CFAP46: variants seen among roughly 807,000 people sequenced by gnomAD.
The protein encoded by CFAP46 is cilia- and flagella-associated protein 46.
In CFAP46, 245 loss-of-function variants were observed where a neutral mutation model predicts 325.7. The observed-to-expected ratio is 0.75, with a 90% CI of 0.68 to 0.84. The LOEUF (loss-of-function observed/expected upper bound fraction) is 0.84. Ranked by LOEUF, CFAP46 falls within the 40% of genes least tolerant of loss-of-function variation. The pLI is 0.00. For synonymous variants in CFAP46, 1,523 were observed against 1,495.9 expected, an observed-to-expected ratio of 1.02 and a Z score of -0.42; for missense variants, 3,346 against 3,543.0, an observed-to-expected ratio of 0.94 and a Z score of 1.41.
chr10:132,835,210 C>T (rs965013648), intron 47 of CFAP46, 94 bp downstream of exon 47: 1 of 1,524,552 alleles, frequency 6.6e-7, no homozygotes, highest in Non-Finnish European at 8.8e-7. Flanking sequence ...TGGCCTAGCG[C>T]CCCGCCCCTC....
intron 55 of CFAP46, among the ~76,000 whole-genome samples, chr10:132,812,376 G>A (rs1173495473): frequency 6.6e-6 from 1 of 152,204 alleles, no homozygotes; most frequent in Admixed American, 6.5e-5. Context: ...AGGGGAAGGC[G>A]AGGTCCCGAG....
chr10:132,853,585 A>G (rs1327854642), intron 39 of CFAP46, among the ~76,000 whole-genome samples: 1 of 152,186 alleles, frequency 6.6e-6, no homozygotes, highest in Non-Finnish European at 1.5e-5. Context: ...ATTTGTGTAG[A>G]ACTCGTATTA....
chr10:132,935,942 C>T (rs1181088291), intron 7 of CFAP46, among the ~76,000 whole-genome samples: 3 of 120,588 alleles, frequency 2.5e-5, no homozygotes, highest in African/African-American at 3.1e-5. Context: ...CCCCTCGGCA[C>T]CCAAACACAC....
intron 13 of CFAP46, 45 bp from the exon 14 acceptor site, chr10:132,920,227 G>C (rs1408809814): frequency 2.7e-6 from 4 of 1,492,632 alleles, no homozygotes. Context: ...TGCTGGCCAA[G>C]GGCCGGGGAC....
At chr10:132,851,454 G>A (rs944091624) in intron 39 of CFAP46, 149 bp from the exon 40 acceptor site, 8 of 722,242 alleles carry the variant, frequency 1.1e-5, no homozygotes, top group African/African-American at 3.6e-5. Context: ...CTTTGATCAC[G>A]AATACACCCG....
In CFAP46 at chr10:132,934,788, T is replaced by C. The variant is rs1849966472; in HGVS notation, c.830A>G (p.Tyr277Cys). ...GATAGAGGGAAAGCGCTGGTGGTTG[T>C]AATGACCTAAGTGTCTGTAGGCCTT... The part of the protein sequence containing the change: ...LRKAYRHLGH[Y>C]NHQRFPSISE... Residue 277 changes from tyrosine (Y) to cysteine (C), a missense_variant, in exon 8 of 58, where the codon TAC (tyrosine) becomes TGC (cysteine). Coordinates refer to ENST00000368586, the MANE Select transcript of CFAP46 (RefSeq NM_001200049.3). 1 of 1,612,262 alleles carries C rather than the reference T, an allele frequency of 6.2e-7. No homozygotes were observed. Among genetic ancestry groups the C allele is most frequent in the African/African-American group, 1.3e-5 (1 of 74,908 alleles).
rs778445752 is a variant in CFAP46, at chr10:132,879,594, G to A, written c.3837C>T (p.Pro1279=). 2.1e-5 allele frequency: 33 copies of A among 1,544,240 alleles called. No individual in the cohort carries two copies. The highest frequency in any genetic ancestry group is 2.7e-5 in the Non-Finnish European group (31 of 1,144,782). The change falls in exon 29 of 58, where the codon CCC becomes CCT. Residue 1279 remains proline (P), a synonymous_variant. Coordinates refer to ENST00000368586, the MANE Select transcript of CFAP46 (RefSeq NM_001200049.3). ...YVAVEMPPRS[P]VSEAEEAVSL... is the part of the protein sequence containing the mutation. Reference sequence around the variant, plus strand: ...ACACCGCCTCCTCGGCCTCGGACACGGGGCTCCGTGGGGGCATCTCCACAG... The same window carrying A: ...ACACCGCCTCCTCGGCCTCGGACACAGGGCTCCGTGGGGGCATCTCCACAG...
At chr10:132,824,398 GA>G (rs1847984884) in intron 50 of CFAP46, among the ~76,000 whole-genome samples, 4 of 134,168 alleles carry the variant, frequency 3.0e-5, no homozygotes, top group East Asian at 2.3e-4. Context: ...TGTGTGTGCT[GA>G]TGTGTGTTTT....
At chr10:132,836,755 T>C in intron 45 of CFAP46, 62 bp downstream of exon 45, 1 of 1,423,044 alleles carries the variant, frequency 7.0e-7, no homozygotes, top group Admixed American at 1.7e-5. Context: ...CGGCTGGGTC[T>C]CTGCCTCCCT....
rs1376688190 is a variant in CFAP46 at position 132,886,797 on chromosome 10, G to T, written c.3305-838C>A. Among the ~76,000 whole-genome samples, 1 of 152,150 alleles carries T rather than the reference G, an allele frequency of 6.6e-6. No individual in the cohort carries two copies. The highest frequency in any genetic ancestry group is 1.5e-5 in the Non-Finnish European group (1 of 68,016). On this transcript the variant is annotated intron_variant, in intron 25 of 57. Transcript: ENST00000368586. The surrounding 1 kb of genome is among the most constrained non-coding windows in gnomAD (Gnocchi z 5.8). ...CAAGGCCATGGAGGCCCCACCTCGGGAAGGGGTGCTGAGTGGCGGGTCTGT... is the reference window on the plus strand; with the variant it reads ...CAAGGCCATGGAGGCCCCACCTCGGTAAGGGGTGCTGAGTGGCGGGTCTGT...
intron 44 of CFAP46, chr10:132,837,157 TTAA>T (rs1456973558): frequency 4.0e-6 from 2 of 504,308 alleles, no homozygotes; most frequent in East Asian, 6.8e-5. Flanking sequence ...TCTCCGGTTG[TTAA>T]TGTTTAGAAA....
chr10:132,930,767 C>T (rs1247281548), intron 8 of CFAP46, among the ~76,000 whole-genome samples: 1 of 83,870 alleles, frequency 1.2e-5, no homozygotes, highest in African/African-American at 5.2e-5. Context: ...AGAGCCTGGG[C>T]CTTCCCCACA....
intron 27 of CFAP46, among the ~76,000 whole-genome samples, chr10:132,883,130 C>A (rs1313074183): frequency 2.0e-5 from 3 of 152,162 alleles, no homozygotes; most frequent in Non-Finnish European, 2.9e-5. Flanking sequence ...AGAATTTCAT[C>A]ACAATTTAAA....
In CFAP46 at chr10:132,938,675, G is replaced by A. The variant is rs1243011100; in HGVS notation, c.450C>T (p.His150=). The change falls in exon 5 of 58, where the codon CAC becomes CAT. Residue 150 remains histidine, a synonymous_variant. Coordinates refer to ENST00000368586, the MANE Select transcript of CFAP46 (RefSeq NM_001200049.3). ...VRPFLKPGYR[H]HLIPSLSQII... ...TTTGGGAAAGGCTGGGGATCAGATG[G>A]TGACGATATCCAGGCTTGAGGAACG... 1 of 1,613,762 alleles carries A rather than the reference G, an allele frequency of 6.2e-7. No individual in the cohort carries two copies. Among genetic ancestry groups the A allele is most frequent in the Non-Finnish European group, 8.5e-7 (1 of 1,179,974 alleles).
intron 8 of CFAP46, among the ~76,000 whole-genome samples, chr10:132,932,780 A>G (rs1429801783): frequency 2.6e-5 from 4 of 152,286 alleles, no homozygotes; most frequent in African/African-American, 9.6e-5. Flanking sequence ...ACAGTGCTCC[A>G]GACAACTTCA....
At chr10:132,867,311 A>C (rs1314790059) in intron 34 of CFAP46, 64 bp downstream of exon 34, 5 of 1,521,968 alleles carry the variant, frequency 3.3e-6, no homozygotes, top group Non-Finnish European at 4.4e-6. Flanking sequence ...GCAGCCCTGC[A>C]TGGCCACGAG....
chr10:132,912,140 ATCTC>A (rs1284356383), intron 19 of CFAP46, among the ~76,000 whole-genome samples: 2 of 11,890 alleles, frequency 1.7e-4, no homozygotes, highest in East Asian at 6.8e-3. Context: ...CCACCCCCAC[ATCTC>A]TCTCTCTCTC....
chr10:132,880,989 A>T lies in CFAP46; in HGVS notation c.3671T>A (p.Phe1224Tyr). 6.4e-7 allele frequency: 1 copy of T among 1,550,520 alleles called. No individual in the cohort carries two copies. The highest frequency in any genetic ancestry group is 8.7e-7 in the Non-Finnish European group (1 of 1,146,976). ...GTGTCTGTGATGGAGCCACTGGCCG[A>T]ACTCCATGAGGTACTCCACCTTCTG... ...EWQKVEYLME[F>Y]GQWLHHRHFP... The change falls in exon 28 of 58, where the codon TTC (phenylalanine) becomes TAC (tyrosine). Residue 1224 changes from phenylalanine (F) to tyrosine (Y), a missense_variant. By Grantham distance (22) the Phe-to-Tyr change is conservative. Transcript: ENST00000368586.
At position 132,836,798 on chromosome 10, in the gene CFAP46, C is replaced by T; in HGVS notation, c.6536+19G>A. 1.2e-6 allele frequency: 2 copies of T among 1,609,276 alleles called. No homozygotes were observed. Among genetic ancestry groups the T allele is most frequent in the Non-Finnish European group, 1.7e-6 (2 of 1,176,378 alleles). On this transcript the variant is annotated intron_variant, in intron 45 of 57. Transcript: ENST00000368586. ...CTCAGCGGGCTGGGGGCGGCCTCAA[C>T]AAGAAGGAGCGGCTTTACCTGTCCC...
Sources: allele counts gnomAD v4.1 joint callset (sites outside exome capture counted in the v4.1 genomes callset), GRCh38; gene constraint gnomAD v4.1.1; non-coding constraint Gnocchi (gnomAD v3.1); transcripts MANE v1.5; gene names NCBI Gene and HGNC (gene_info 2026-07-23, HGNC 2026-07-21).